The following COL8A1 variants were observed in gnomAD, a reference collection of about 807,000 sequenced individuals.
The protein encoded by COL8A1 is collagen alpha-1(VIII) chain.
In COL8A1, 21 loss-of-function variants were observed where a neutral mutation model predicts 42.7. That is an observed-to-expected ratio of 0.49 (90% CI 0.35 to 0.71). COL8A1 has a LOEUF of 0.71. Ranked by LOEUF, COL8A1 falls within the 30% of genes least tolerant of loss-of-function variation. The pLI, the probability that COL8A1 is intolerant of heterozygous loss-of-function variation, is 0.01. For synonymous variants in COL8A1, 367 were observed against 369.1 expected (o/e 0.99, Z 0.06); for missense variants, 788 against 962.4 (o/e 0.82, Z 2.40).
chr3:99,649,476 G>A (rs570302785), intron 1 of COL8A1, among the ~76,000 whole-genome samples: 1 of 152,082 alleles, frequency 6.6e-6, no homozygotes, highest in African/African-American at 2.4e-5. Context: ...GTTCTAAAAA[G>A]GGACAATTTG....
intron 1 of COL8A1, among the ~76,000 whole-genome samples, chr3:99,736,750 G>A (rs1293580888): frequency 5.9e-5 from 9 of 151,326 alleles, no homozygotes; most frequent in South Asian, 4.2e-4. Context: ...TATTAGGTCC[G>A]CTTGGTGCAG....
intron 1 of COL8A1, among the ~76,000 whole-genome samples, chr3:99,641,797 C>T (rs1937511654): frequency 1.3e-5 from 2 of 152,104 alleles, no homozygotes; most frequent in African/African-American, 2.4e-5. Flanking sequence ...TATAAACATA[C>T]ATGTACATAA....
At chr3:99,661,959 G>A (rs1288553841) in intron 1 of COL8A1, among the ~76,000 whole-genome samples, 1 of 152,210 alleles carries the variant, frequency 6.6e-6, no homozygotes, top group Non-Finnish European at 1.5e-5. Flanking sequence ...GGGGATGAGG[G>A]AAGGAGGAAA....
chr3:99,666,645 A>C (rs773279976), intron 1 of COL8A1, among the ~76,000 whole-genome samples: 1 of 152,144 alleles, frequency 6.6e-6, no homozygotes, highest in Non-Finnish European at 1.5e-5. Context: ...GATTAATCTA[A>C]TTTTGTTTGT....
chr3:99,786,001 A>G (rs1404929435), intron 2 of COL8A1, among the ~76,000 whole-genome samples: 1 of 152,122 alleles, frequency 6.6e-6, no homozygotes, highest in African/African-American at 2.4e-5. Context: ...AAATGAGGTC[A>G]GGCATGGATG....
chr3:99,702,845 C>T (rs73860407), intron 1 of COL8A1, among the ~76,000 whole-genome samples: 2,207 of 152,162 alleles, frequency 0.015, 34 homozygotes, highest in African/African-American at 0.04. Flanking sequence ...CTGAAGAAAA[C>T]GTGTTGTTAG....
At chr3:99,736,117 A>C (rs1252774964) in intron 1 of COL8A1, among the ~76,000 whole-genome samples, 1 of 151,928 alleles carries the variant, frequency 6.6e-6, no homozygotes, top group African/African-American at 2.4e-5. Flanking sequence ...TAGATTCATT[A>C]ATTTTTTGAA....
At chr3:99,684,545 T>C (rs1416233499) in intron 1 of COL8A1, among the ~76,000 whole-genome samples, 1 of 152,214 alleles carries the variant, frequency 6.6e-6, no homozygotes, top group Non-Finnish European at 1.5e-5. Context: ...TAAGAGTTTA[T>C]CACTCAATTC....
At chr3:99,783,348 A>C (rs1195421270) in intron 2 of COL8A1, among the ~76,000 whole-genome samples, 1 of 152,232 alleles carries the variant, frequency 6.6e-6, no homozygotes, top group African/African-American at 2.4e-5. Flanking sequence ...TAGCTAGTAC[A>C]TGGGGATGAT....
intron 1 of COL8A1, among the ~76,000 whole-genome samples, chr3:99,741,207 T>C (rs1466896026): frequency 1.3e-5 from 2 of 152,206 alleles, no homozygotes; most frequent in African/African-American, 2.4e-5. Context: ...CTTTCTAATA[T>C]GTTTATTAGC....
At chr3:99,783,754 G>A (rs1038246908) in intron 2 of COL8A1, among the ~76,000 whole-genome samples, 5 of 152,202 alleles carry the variant, frequency 3.3e-5, no homozygotes, top group Non-Finnish European at 5.9e-5. Flanking sequence ...TGCGGGGTTT[G>A]GGGGGATCTG....
intron 1 of COL8A1, among the ~76,000 whole-genome samples, chr3:99,688,594 A>G (rs1428048821): frequency 6.6e-6 from 1 of 152,144 alleles, no homozygotes; most frequent in African/African-American, 2.4e-5. Context: ...GCCATGGAAA[A>G]CAATATATTC....
intron 2 of COL8A1, among the ~76,000 whole-genome samples, chr3:99,753,989 A>G (rs1394002195): frequency 6.6e-6 from 1 of 152,242 alleles, no homozygotes; most frequent in African/African-American, 2.4e-5. Context: ...AGTTTCTCTT[A>G]TATCAATTTA....
At chr3:99,682,984 A>T (rs1025545979) in intron 1 of COL8A1, among the ~76,000 whole-genome samples, 2 of 152,174 alleles carry the variant, frequency 1.3e-5, no homozygotes, top group Non-Finnish European at 2.9e-5. Flanking sequence ...TAGAATAGAG[A>T]ATCATTATCT....
intron 2 of COL8A1, among the ~76,000 whole-genome samples, chr3:99,750,192 A>G (rs792838): frequency 0.73 from 111,049 of 151,130 alleles, 41,389 homozygotes; most frequent in African/African-American, 0.87. Flanking sequence ...GAGTAGCTGG[A>G]ACTACAGGTG....
At chr3:99,783,197 T>A (rs1272849093) in intron 2 of COL8A1, among the ~76,000 whole-genome samples, 1 of 152,178 alleles carries the variant, frequency 6.6e-6, no homozygotes, top group Non-Finnish European at 1.5e-5. Flanking sequence ...TGTTGTAAAA[T>A]CTCCTCTGGA....
intron 2 of COL8A1, among the ~76,000 whole-genome samples, chr3:99,762,538 T>A (rs111402430): frequency 1.5e-3 from 232 of 152,268 alleles, no homozygotes; most frequent in African/African-American, 5.2e-3. Context: ...AGTTCTTTTG[T>A]TCCCACCCTC....
chr3:99,679,606 C>G (rs2107321434), intron 1 of COL8A1: 1 of 152,258 alleles, frequency 6.6e-6, no homozygotes, highest in East Asian at 1.9e-4. Context: ...TTTACTCTTT[C>G]ACTAACTTGG....
chr3:99,774,390 A>G (rs934033826), intron 2 of COL8A1, among the ~76,000 whole-genome samples: 2 of 152,082 alleles, frequency 1.3e-5, no homozygotes, highest in African/African-American at 4.8e-5. Flanking sequence ...GTACTCATAG[A>G]GATCATTCAA....
Sources: allele counts gnomAD v4.1 joint callset (sites outside exome capture counted in the v4.1 genomes callset), GRCh38; gene constraint gnomAD v4.1.1; transcripts MANE v1.5; gene names NCBI Gene and HGNC (gene_info 2026-07-23, HGNC 2026-07-21).